Variants in INPP4B observed in about 807,000 individuals in gnomAD.
The protein encoded by INPP4B is inositol polyphosphate-4-phosphatase type II B, also known as inositol polyphosphate 4-phosphatase type II.
In INPP4B, 55 loss-of-function variants were observed where a neutral mutation model predicts 122.5. That is an observed-to-expected ratio of 0.45 (90% CI 0.36 to 0.56). INPP4B has a LOEUF of 0.56. INPP4B is among the 20% of genes least tolerant of loss of function. The probability of loss-of-function intolerance (pLI) is 0.00; values close to 1 mark genes in which losing one functional copy is unlikely to be tolerated. For synonymous variants in INPP4B, 403 were observed against 388.7 expected (o/e 1.04, Z -0.43); for missense variants, 1,000 against 1,097.7 (o/e 0.91, Z 1.26).
At chr4:142,133,386 A>G (rs1361156523) in intron 18 of INPP4B, among the ~76,000 whole-genome samples, 1 of 152,196 alleles carries the variant, frequency 6.6e-6, no homozygotes, top group Non-Finnish European at 1.5e-5. Context: ...AAAAATAGGT[A>G]CAGAATCTCA....
intron 7 of INPP4B, among the ~76,000 whole-genome samples, chr4:142,371,732 T>C (rs1178403410): frequency 6.6e-6 from 1 of 151,954 alleles, no homozygotes; most frequent in Non-Finnish European, 1.5e-5. Context: ...CACAATGAGA[T>C]ATCATCTCAC....
At chr4:142,639,458 G>A (rs1315069847) in intron 2 of INPP4B, among the ~76,000 whole-genome samples, 1 of 151,990 alleles carries the variant, frequency 6.6e-6, no homozygotes, top group Non-Finnish European at 1.5e-5. Flanking sequence ...TGTGAGTTTT[G>A]GCAGATTGTG....
At chr4:142,661,962 G>T (rs934978584) in intron 2 of INPP4B, among the ~76,000 whole-genome samples, 1 of 151,844 alleles carries the variant, frequency 6.6e-6, no homozygotes, top group African/African-American at 2.4e-5. Flanking sequence ...GGCCGGGCAC[G>T]GTGGCTCACG....
At chr4:142,042,650 C>T (rs13117944) in intron 25 of INPP4B, among the ~76,000 whole-genome samples, 109,458 of 151,540 alleles carry the variant, frequency 0.72, 42,155 homozygotes, top group Non-Finnish European at 0.85. Flanking sequence ...GCAACCTCCG[C>T]CTCCCGGGTT....
chr4:142,096,061 C>T lies in INPP4B; in HGVS notation c.2375-9805G>A, dbSNP rs145066336. On this transcript the variant is annotated intron_variant, in intron 23 of 25. Transcript: ENST00000262992. Reference sequence around the variant, plus strand: ...CATTTGGCTGACAATGAAATGCAGGCATTGAAAACACTAAATGACTCACCT... The same window carrying T: ...CATTTGGCTGACAATGAAATGCAGGTATTGAAAACACTAAATGACTCACCT... The T allele has an allele frequency of 5.9e-5, 9 of 152,244 alleles. No homozygotes were observed. In the East Asian group the frequency reaches 1.7e-3, roughly 29 times the overall value. The allele number at this position is 152,244 out of a possible 1,614,324, so 9.4% of individuals were successfully genotyped here. A position where few individuals can be genotyped will look rare whatever the true frequency, so the allele number is the denominator to read the frequency against.
intron 2 of INPP4B, among the ~76,000 whole-genome samples, chr4:142,673,097 T>G (rs1488647962): frequency 6.6e-6 from 1 of 152,170 alleles, no homozygotes; most frequent in Admixed American, 6.6e-5. Flanking sequence ...CTTATATACC[T>G]GTCCTTTACC....
intron 18 of INPP4B, among the ~76,000 whole-genome samples, chr4:142,134,349 T>C (rs1222286718): frequency 2.6e-5 from 4 of 152,192 alleles, no homozygotes; most frequent in African/African-American, 4.8e-5. Flanking sequence ...AGATCCTGGC[T>C]CTGAGTCCCA....
chr4:142,492,653 A>G (rs1245907550), intron 2 of INPP4B, among the ~76,000 whole-genome samples: 3 of 152,176 alleles, frequency 2.0e-5, no homozygotes. Flanking sequence ...GATCTGTGGA[A>G]CTTTGAACTT....
intron 23 of INPP4B, among the ~76,000 whole-genome samples, chr4:142,103,259 TCTA>T (rs1277670669): frequency 2.0e-5 from 3 of 152,082 alleles, no homozygotes; most frequent in Middle Eastern, 3.2e-3. Context: ...TCCAATAATT[TCTA>T]CTTTTTATGG....
At chr4:142,655,959 C>T (rs1001442175) in intron 2 of INPP4B, among the ~76,000 whole-genome samples, 2 of 152,094 alleles carry the variant, frequency 1.3e-5, no homozygotes, top group African/African-American at 4.8e-5. Context: ...ATCATTAATT[C>T]TGAAATACAA....
intron 14 of INPP4B, among the ~76,000 whole-genome samples, chr4:142,204,691 G>A (rs1305676033): frequency 6.6e-6 from 1 of 152,008 alleles, no homozygotes. Flanking sequence ...TACAGAAACA[G>A]ACATACATAG....
At chr4:142,202,718 T>A in intron 14 of INPP4B, 1 of 982,490 alleles carries the variant, frequency 1.0e-6, no homozygotes. Context: ...AAAACATATA[T>A]TAGTTAAGCT....
At chr4:142,373,123 T>C (rs1790512471) in intron 7 of INPP4B, among the ~76,000 whole-genome samples, 1 of 152,028 alleles carries the variant, frequency 6.6e-6, no homozygotes, top group Non-Finnish European at 1.5e-5. Flanking sequence ...AAAATCCAAC[T>C]CCATATTATG....
intron 1 of INPP4B, among the ~76,000 whole-genome samples, chr4:142,841,281 G>GT (rs1055059196): frequency 1.3e-5 from 2 of 151,890 alleles, no homozygotes; most frequent in Non-Finnish European, 2.9e-5. Context: ...GATCCCACTG[G>GT]TTTTAGTCCT....
intron 23 of INPP4B, among the ~76,000 whole-genome samples, chr4:142,106,754 T>C (rs1787327572): frequency 6.6e-6 from 1 of 151,406 alleles, no homozygotes; most frequent in South Asian, 2.1e-4. Context: ...TCGGGGAGAG[T>C]TTAGTAGATT....
intron 2 of INPP4B, among the ~76,000 whole-genome samples, chr4:142,578,843 G>T (rs1734407745): frequency 6.6e-6 from 1 of 151,960 alleles, no homozygotes; most frequent in Non-Finnish European, 1.5e-5. Context: ...TTTTTAAAGT[G>T]ATTTAACCAT....
rs1808749268 is a variant in INPP4B, at chr4:142,429,160, T to C, written c.136+13A>G. 2.0e-6 allele frequency: 3 copies of C among 1,479,084 alleles called. No individual in the cohort carries two copies. Among genetic ancestry groups the C allele is most frequent in the Non-Finnish European group, 2.8e-6 (3 of 1,064,504 alleles). 91.6% of individuals were successfully genotyped at this position (1,479,084 alleles called of 1,614,324 possible). A position where few individuals can be genotyped will look rare whatever the true frequency, so the allele number is the denominator to read the frequency against. ...CTTATATTTATTGATATAAATAAGA[T>C]GGAATTTCTTACCAAGGATGAATTC... On this transcript the variant is annotated intron_variant, in intron 5 of 25. Coordinates refer to ENST00000262992, the MANE Select transcript of INPP4B (RefSeq NM_001101669.3).
At chr4:142,184,594 C>G (rs2055213) in intron 15 of INPP4B, among the ~76,000 whole-genome samples, 24,005 of 152,050 alleles carry the variant, frequency 0.16, 2,034 homozygotes, top group South Asian at 0.27. Context: ...ATCCATTCAT[C>G]AAACTCTTTT....
At chr4:142,615,628 A>G (rs747134739) in intron 2 of INPP4B, among the ~76,000 whole-genome samples, 2 of 151,928 alleles carry the variant, frequency 1.3e-5, no homozygotes, top group Admixed American at 1.3e-4. Flanking sequence ...ATTTTTATTA[A>G]TTTTTTATTA....
Sources: allele counts gnomAD v4.1 joint callset (sites outside exome capture counted in the v4.1 genomes callset), GRCh38; gene constraint gnomAD v4.1.1; transcripts MANE v1.5; gene names NCBI Gene and HGNC (gene_info 2026-07-23, HGNC 2026-07-21).